Variants in ATXN1 observed in about 807,000 individuals in gnomAD.
ATXN1 encodes the protein ataxin 1, also known as ataxin-1.
In ATXN1, 8 loss-of-function variants were observed where a neutral mutation model predicts 56.4. The observed-to-expected ratio is 0.14, with a 90% confidence interval of 0.08 to 0.26. The LOEUF is 0.26. ATXN1 is among the 10% of genes least tolerant of loss of function. The pLI is 1.00. For missense variants in ATXN1, 987 were observed against 1,106.5 expected, an observed-to-expected ratio of 0.89 and a Z score of 1.53; for synonymous variants, 514 against 494.6, an observed-to-expected ratio of 1.04 and a Z score of -0.52.
chr6:16,496,918 T>C (rs1760791185), intron 5 of ATXN1, among the ~76,000 whole-genome samples: 1 of 152,162 alleles, frequency 6.6e-6, no homozygotes, highest in African/African-American at 2.4e-5. Context: ...ATCTTGCAGA[T>C]TTAGGGGTTT....
At position 16,534,753 on chromosome 6, in the gene ATXN1, T is replaced by C. The variant is rs561039511; in HGVS notation, c.-360-12065A>G. ...TTATTTTCGGCTTTCTTCTTATCCA[T>C]AGATATTTAAGAGACTATCTGTTCC... On this transcript the variant is annotated intron_variant, in intron 4 of 7. Coordinates refer to ENST00000436367, the MANE Select transcript of ATXN1 (RefSeq NM_001128164.2). Among the ~76,000 whole-genome samples, 5 of 152,308 alleles carry C rather than the reference T, an allele frequency of 3.3e-5. No homozygotes were observed. In the South Asian group the frequency reaches 1.0e-3, roughly 32 times the overall value.
intron 6 of ATXN1, among the ~76,000 whole-genome samples, chr6:16,392,723 TG>T (rs1327959159): frequency 6.6e-6 from 1 of 152,178 alleles, no homozygotes; most frequent in Admixed American, 6.5e-5. Context: ...CTCGAACTCC[TG>T]ACCTCAGGTG....
rs1762120453 is a variant in ATXN1 at position 16,561,656 on chromosome 6, A to G, written c.-361+24124T>C. On this transcript the variant is annotated intron_variant, in intron 4 of 7. Coordinates refer to ENST00000436367, the MANE Select transcript of ATXN1 (RefSeq NM_001128164.2). ...TCCCATTAAAAATGTGGACCAAAAA[A>G]AAGATAACTTCCTGGGGTCATTTGA... 2.0e-5 allele frequency among the ~76,000 whole-genome samples: 3 copies of G among 152,376 alleles called. No homozygotes were observed. The South Asian group carries it at 6.2e-4, about 32-fold the overall frequency.
chr6:16,695,586 C>T (rs972843213), intron 2 of ATXN1, among the ~76,000 whole-genome samples: 1 of 152,218 alleles, frequency 6.6e-6, no homozygotes, highest in Non-Finnish European at 1.5e-5. Flanking sequence ...TTCTGAAGTT[C>T]TTAGTCTACA....
intron 6 of ATXN1, among the ~76,000 whole-genome samples, chr6:16,466,064 C>T (rs1760098074): frequency 6.6e-6 from 1 of 152,128 alleles, no homozygotes; most frequent in Admixed American, 6.5e-5. Context: ...TGCCTGTAAT[C>T]CCAGCACTTT....
At chr6:16,315,530 C>T (rs573631860) in intron 7 of ATXN1, among the ~76,000 whole-genome samples, 21 of 152,258 alleles carry the variant, frequency 1.4e-4, no homozygotes, top group South Asian at 8.3e-4. Flanking sequence ...TTGCGCCTTC[C>T]GTCTGGGCAC....
At chr6:16,593,313 T>G (rs942010553) in intron 3 of ATXN1, among the ~76,000 whole-genome samples, 2 of 152,120 alleles carry the variant, frequency 1.3e-5, no homozygotes, top group Non-Finnish European at 2.9e-5. Flanking sequence ...TCCTGTGTGA[T>G]CTCAAGCCCC....
chr6:16,609,308 G>A (rs1423256325), intron 3 of ATXN1, among the ~76,000 whole-genome samples: 1 of 152,160 alleles, frequency 6.6e-6, no homozygotes, highest in African/African-American at 2.4e-5. Context: ...AGTCCTCCAT[G>A]CCCATGGCCA....
At chr6:16,437,942 C>T (rs569849647) in intron 6 of ATXN1, among the ~76,000 whole-genome samples, 14 of 152,316 alleles carry the variant, frequency 9.2e-5, no homozygotes, top group African/African-American at 3.4e-4. Flanking sequence ...GAAGCAGCAT[C>T]ATGCAATAGA....
intron 2 of ATXN1, among the ~76,000 whole-genome samples, chr6:16,706,021 G>A (rs1362440122): frequency 1.3e-5 from 2 of 151,820 alleles, no homozygotes; most frequent in Non-Finnish European, 1.5e-5. Context: ...CTCTAGCGGT[G>A]TCAGGCCTGC....
chr6:16,301,956 AAAC>A lies in ATXN1; in HGVS notation c.*4370_*4372del, dbSNP rs1307208403. 3 of 152,708 alleles carry A rather than the reference AAAC, an allele frequency of 2.0e-5. No homozygotes were observed. The highest frequency in any genetic ancestry group is 2.4e-5 in the African/African-American group (1 of 41,462). 9.5% of individuals were successfully genotyped at this position (152,708 alleles called of 1,614,324 possible). A position where few individuals can be genotyped will look rare whatever the true frequency, so the allele number is the denominator to read the frequency against. On this transcript the variant is annotated 3_prime_UTR_variant, in exon 8 of 8. Coordinates refer to ENST00000436367, the MANE Select transcript of ATXN1 (RefSeq NM_001128164.2). Reference sequence around the variant, plus strand: ...AATCGTTTCCTTAAAAAACAAAACAAAACAAAATCCAGAGCTACAACAACAAAA... The same window carrying A: ...AATCGTTTCCTTAAAAAACAAAACAAAAAATCCAGAGCTACAACAACAAAA...
At chr6:16,341,822 A>T (rs1336253501) in intron 6 of ATXN1, among the ~76,000 whole-genome samples, 2 of 147,752 alleles carry the variant, frequency 1.4e-5, no homozygotes, top group Non-Finnish European at 3.0e-5. Flanking sequence ...CCCGGCTGGT[A>T]TAGAGGATCT....
chr6:16,538,901 G>T (rs1581830904), intron 4 of ATXN1, among the ~76,000 whole-genome samples: 1 of 152,106 alleles, frequency 6.6e-6, no homozygotes, highest in East Asian at 1.9e-4. Flanking sequence ...GTCCAGGATG[G>T]TCTCGAACTC....
At chr6:16,415,795 A>G (rs1239219724) in intron 6 of ATXN1, among the ~76,000 whole-genome samples, 1 of 152,212 alleles carries the variant, frequency 6.6e-6, no homozygotes, top group Non-Finnish European at 1.5e-5. Flanking sequence ...TATAGCAAAA[A>G]CAAATGCTCA....
At chr6:16,330,600 G>A (rs1760965611) in intron 6 of ATXN1, among the ~76,000 whole-genome samples, 1 of 151,990 alleles carries the variant, frequency 6.6e-6, no homozygotes, top group Non-Finnish European at 1.5e-5. Flanking sequence ...ATGTTGGCCA[G>A]GCTGGTCTTG....
intron 6 of ATXN1, among the ~76,000 whole-genome samples, chr6:16,420,987 C>T (rs1759020769): frequency 2.6e-5 from 4 of 152,190 alleles, no homozygotes; most frequent in African/African-American, 9.7e-5. Flanking sequence ...ACATGTGATA[C>T]ACACACATTT....
At chr6:16,489,184 C>T (rs1205238398) in intron 5 of ATXN1, among the ~76,000 whole-genome samples, 1 of 152,198 alleles carries the variant, frequency 6.6e-6, no homozygotes, top group Non-Finnish European at 1.5e-5. Context: ...AGAAACCTTG[C>T]CATGCCCTTC....
intron 6 of ATXN1, among the ~76,000 whole-genome samples, chr6:16,361,657 G>C (rs748086596): frequency 2.0e-5 from 3 of 152,164 alleles, no homozygotes; most frequent in African/African-American, 7.2e-5. Context: ...TTAATGTTCA[G>C]TAATAAATTT....
At chr6:16,607,829 T>C (rs1763038271) in intron 3 of ATXN1, among the ~76,000 whole-genome samples, 1 of 152,150 alleles carries the variant, frequency 6.6e-6, no homozygotes. Context: ...GGTCACAACA[T>C]ATCTTTTTGG....
Sources: allele counts gnomAD v4.1 joint callset (sites outside exome capture counted in the v4.1 genomes callset), GRCh38; gene constraint gnomAD v4.1.1; transcripts MANE v1.5; gene names NCBI Gene and HGNC (gene_info 2026-07-23, HGNC 2026-07-21).